Variants in PLXNB1 observed in about 807,000 individuals in gnomAD.
PLXNB1 encodes the protein plexin B1, also known as plexin-B1.
A neutral mutation model predicts 209.4 loss-of-function variants in PLXNB1; 106 were observed. The ratio of observed to expected loss-of-function variants is 0.51; its 90% CI spans 0.43 to 0.59. PLXNB1 has a LOEUF of 0.59. Among genes scored for constraint, PLXNB1 ranks in the 20% least tolerant of loss-of-function variants. The probability of loss-of-function intolerance (pLI) is 0.00; values close to 1 mark genes in which losing one functional copy is unlikely to be tolerated. For synonymous variants in PLXNB1, 1,167 were observed against 1,183.2 expected (o/e 0.99, Z 0.28); for missense variants, 2,357 against 2,853.2 (o/e 0.83, Z 3.96).
At position 48,418,080 on chromosome 3, in the gene PLXNB1, C is replaced by T. The variant is rs147822975; in HGVS notation, c.3223-18G>A. Reference sequence around the variant, plus strand: ...GGCTCCACCTGTTCCAGGACAAGGACTGCTCACCTCTACTCAACTGGAAAG... The same window carrying T: ...GGCTCCACCTGTTCCAGGACAAGGATTGCTCACCTCTACTCAACTGGAAAG... On this transcript the variant is annotated intron_variant, in intron 15 of 37. Transcript: ENST00000296440. This position sits in a 1 kb window ranked among gnomAD's most constrained non-coding sequence, Gnocchi z 6.6. 6.9e-4 allele frequency: 1,113 copies of T among 1,610,264 alleles called. 12 individuals are homozygous for T. The East Asian group carries it at 0.021, about 30-fold the overall frequency.
At position 48,419,775 on chromosome 3, in the gene PLXNB1, G is replaced by A. The variant is rs1053246047; in HGVS notation, c.2511C>T (p.Pro837=). ...CTTCTCTCGTGAGCCAGTCCAGGGC[G>A]GGCTTCACGGAGCCCATGGCCCCTG... ...TFPGAMGSVK[P]ALDWLTREGG... Residue 837 remains proline, a synonymous_variant, in exon 11 of 38, where the codon CCC becomes CCT. Transcript: ENST00000296440. This position sits in a 1 kb window ranked among gnomAD's most constrained non-coding sequence, Gnocchi z 5.7. 109 of 1,603,928 alleles carry A rather than the reference G, an allele frequency of 6.8e-5. No homozygotes were observed. The highest frequency in any genetic ancestry group is 8.5e-5 in the Admixed American group (5 of 58,612).
Position 48,417,838 on chromosome 3 carries a change from A to G in PLXNB1, c.3374+73T>C. 1.0e-5 allele frequency: 15 copies of G among 1,448,994 alleles called. No homozygotes were observed. The East Asian group carries it at 3.2e-4, about 31-fold the overall frequency. 89.8% of individuals were successfully genotyped at this position (1,448,994 alleles called of 1,614,324 possible). On this transcript the variant is annotated intron_variant, in intron 16 of 37. Coordinates refer to ENST00000296440, the MANE Select transcript of PLXNB1 (RefSeq NM_001130082.3). This position sits in a 1 kb window ranked among gnomAD's most constrained non-coding sequence, Gnocchi z 4.4. ...GGGGGGCAGATGAGCGGTGGGTGGG[A>G]GGCCCCAAGCAGCAACGCCAACCGC...
At position 48,415,336 on chromosome 3, in the gene PLXNB1, T is replaced by C; in HGVS notation, c.3806A>G (p.Glu1269Gly). 2.5e-6 allele frequency: 4 copies of C among 1,613,316 alleles called. No homozygotes were observed. Among genetic ancestry groups the C allele is most frequent in the Non-Finnish European group, 3.4e-6 (4 of 1,179,854 alleles). ...CAGATTCTGGCCACGGACGCATATC[T>C]CACGTCCTCCACTGAAACAGACCGT... ...PTKSFLSGGR[E>G]ICVRGQNLDV... The change falls in exon 20 of 38, where the codon GAG (glutamate) becomes GGG (glycine). Residue 1269 changes from glutamate to glycine, a missense_variant. Around this residue, in one of 7 missense-constraint regions of PLXNB1, gnomAD observed 743 missense variants for 896.2 expected, o/e 0.83. Transcript: ENST00000296440. The surrounding 1 kb of genome is among the most constrained non-coding windows in gnomAD (Gnocchi z 5.0).
At chr3:48,426,083 C>T (rs1171058220) in intron 1 of PLXNB1, among the ~76,000 whole-genome samples, 1 of 152,170 alleles carries the variant, frequency 6.6e-6, no homozygotes, top group African/African-American at 2.4e-5. Flanking sequence ...GCCCTACGTA[C>T]TAGAGAGCTG....
At position 48,429,739 on chromosome 3, in the gene PLXNB1, C is replaced by T. The variant is rs1411733976; in HGVS notation, c.-60+269G>A. On this transcript the variant is annotated intron_variant, in intron 1 of 37. Coordinates refer to ENST00000296440, the MANE Select transcript of PLXNB1 (RefSeq NM_001130082.3). This position sits in a 1 kb window ranked among gnomAD's most constrained non-coding sequence, Gnocchi z 6.4. ...ACCCCGGGAGCCAGAGCCGCCCCGC[C>T]CCGTCGGCCTCACCTGCTCGCCTCC... 6.6e-6 allele frequency among the ~76,000 whole-genome samples: 1 copy of T among 152,078 alleles called. No homozygotes were observed. The highest frequency in any genetic ancestry group is 1.5e-5 in the Non-Finnish European group (1 of 67,972).
chr3:48,420,622 C>T, intron 10 of PLXNB1, 43 bp downstream of exon 10: 1 of 1,498,886 alleles, frequency 6.7e-7, no homozygotes, highest in Non-Finnish European at 9.3e-7. Context: ...CACACTGGGA[C>T]CCCCAACCCC....
Position 48,406,595 on chromosome 3 carries a change from A to C in PLXNB1, c.6228+228T>G. 1.5e-6 allele frequency: 2 copies of C among 1,373,076 alleles called. No homozygotes were observed. The highest frequency in any genetic ancestry group is 2.8e-5 in the East Asian group (1 of 35,728). 85.1% of individuals were successfully genotyped at this position (1,373,076 alleles called of 1,614,324 possible). A position where few individuals can be genotyped will look rare whatever the true frequency, so the allele number is the denominator to read the frequency against. On this transcript the variant is annotated intron_variant, in intron 36 of 37. Transcript: ENST00000296440. This position sits in a 1 kb window ranked among gnomAD's most constrained non-coding sequence, Gnocchi z 4.4. Reference sequence around the variant, plus strand: ...TGCAAGAGCCTGGCTGAATCAGGGTACATGGCAGCTGCCAGGACAAGACCC... The same window carrying C: ...TGCAAGAGCCTGGCTGAATCAGGGTCCATGGCAGCTGCCAGGACAAGACCC...
At position 48,418,516 on chromosome 3, in the gene PLXNB1, C is replaced by A; in HGVS notation, c.2982G>T (p.Glu994Asp). 1 of 1,608,122 alleles carries A rather than the reference C, an allele frequency of 6.2e-7. No homozygotes were observed. Among genetic ancestry groups the A allele is most frequent in the South Asian group, 1.1e-5 (1 of 90,302 alleles). The stretch of plus-strand genomic sequence containing the variant: ...GACGCAGAAACAGCCCCACACGGAG[C>A]TCCGGCTGCAGAGCCTCATAGCTGA... ...HQLSYEALQP[E>D]LRVGLFLRRA... The change falls in exon 14 of 38, where the codon GAG becomes GAT. Residue 994 changes from glutamate (E) to aspartate (D), a missense_variant. Glu to Asp is a conservative substitution (Grantham distance 45, BLOSUM62 2). Around this residue, in one of 7 missense-constraint regions of PLXNB1, gnomAD observed 410 missense variants for 401.0 expected, o/e 1.02. Coordinates refer to ENST00000296440, the MANE Select transcript of PLXNB1 (RefSeq NM_001130082.3). The surrounding 1 kb of genome is among the most constrained non-coding windows in gnomAD (Gnocchi z 6.6).
chr3:48,425,896 C>A (rs2038866970), intron 1 of PLXNB1, among the ~76,000 whole-genome samples: 1 of 151,614 alleles, frequency 6.6e-6, no homozygotes, highest in Admixed American at 6.6e-5. Context: ...ACAGACACAG[C>A]CACCCATGTT....
chr3:48,425,439 C>CGCCCAGCCTGCTGGTGGAGCTGG (rs1560077396), intron 1 of PLXNB1, 106 bp from the exon 2 acceptor site: 2 of 152,224 alleles, frequency 1.3e-5, no homozygotes, highest in African/African-American at 4.8e-5. Context: ...CCCTCCCCAC[C>CGCCCAGCCTGCTGGTGGAGCTGG]GCCCAGCCTG....
At chr3:48,421,485 G>A (rs2038514750) in intron 7 of PLXNB1, 101 bp from the exon 8 acceptor site, 5 of 1,325,570 alleles carry the variant, frequency 3.8e-6, no homozygotes, top group Non-Finnish European at 2.1e-6. Flanking sequence ...GCAATCAACA[G>A]CCCTCAGGCC....
chr3:48,420,013 T>C lies in PLXNB1; in HGVS notation c.2273A>G (p.Glu758Gly), dbSNP rs764555935. ...PGSTGSPLHE[E>G]PSPPSPQNGP... ...ATTTTGGGGGCTGGGAGGGGAGGGC[T>C]CCTCATGGAGAGGCGACCCTGTGGA... The change falls in exon 11 of 38, where the codon GAG (glutamate) becomes GGG (glycine). Residue 758 changes from glutamate to glycine, a missense_variant. Physicochemically the swap from Glu to Gly is moderately conservative, Grantham distance 98. This residue lies in a region of PLXNB1 where 410 missense variants were observed against 401.0 expected (regional missense o/e 1.02). Transcript: ENST00000296440. 6.2e-7 allele frequency: 1 copy of C among 1,603,374 alleles called. No individual in the cohort carries two copies. The highest frequency in any genetic ancestry group is 1.1e-5 in the South Asian group (1 of 90,248).
Position 48,412,797 on chromosome 3 carries a change from T to C in PLXNB1, c.4799A>G (p.Glu1600Gly). 6.2e-7 allele frequency: 1 copy of C among 1,613,642 alleles called. No individual in the cohort carries two copies. The highest frequency in any genetic ancestry group is 8.5e-7 in the Non-Finnish European group (1 of 1,180,000). Residue 1600 changes from glutamate to glycine, a missense_variant, in exon 25 of 38, where the codon GAG (glutamate) becomes GGG (glycine). This residue lies in a region of PLXNB1 where 743 missense variants were observed against 896.2 expected (regional missense o/e 0.83). Transcript: ENST00000296440. The part of the protein sequence containing the change: ...GVPESRRPTV[E>G]QGLGQLSNLL... ...GTTAGAGAGCTGCCCCAGCCCTTGC[T>C]CCACAGTGGGCCGTCTGCTCTCAGG...
intron 3 of PLXNB1, 31 bp from the exon 4 acceptor site, chr3:48,422,978 C>A: frequency 6.3e-7 from 1 of 1,596,334 alleles, no homozygotes; most frequent in South Asian, 1.1e-5. Flanking sequence ...CAGGAAGGCC[C>A]TCCCTGGATA....
rs781772273 is a variant in PLXNB1, at chr3:48,421,858, T to A, written c.1521-52A>T. The A allele has an allele frequency of 5.1e-6, 8 of 1,568,806 alleles. No homozygotes were observed. The African/African-American group carries it at 1.1e-4, about 21-fold the overall frequency. On this transcript the variant is annotated intron_variant, in intron 6 of 37. Transcript: ENST00000296440. ...GTGACCCTCATGGGCCACTGGGAGT[T>A]CATAGGGTAGGGACTCCTACAATCT... is the stretch of plus-strand genomic sequence containing the variant.
At position 48,423,941 on chromosome 3, in the gene PLXNB1, C is replaced by G; in HGVS notation, c.671G>C (p.Arg224Pro). The change falls in exon 3 of 38, where the codon CGT (arginine) becomes CCT (proline). Residue 224 changes from arginine (R) to proline (P), a missense_variant. Around this residue, in one of 7 missense-constraint regions of PLXNB1, gnomAD observed 404 missense variants for 443.6 expected, o/e 0.91. Coordinates refer to ENST00000296440, the MANE Select transcript of PLXNB1 (RefSeq NM_001130082.3). ...YSHHFVSAFA[R>P]GASAYFLFLR... ...GAACAGGAAGTAGGCGCTGGCCCCACGTGCAAAGGCACTCACGAAGTGGTG... is the reference window on the plus strand; with the variant it reads ...GAACAGGAAGTAGGCGCTGGCCCCAGGTGCAAAGGCACTCACGAAGTGGTG... 1.2e-6 allele frequency: 2 copies of G among 1,614,114 alleles called. No individual in the cohort carries two copies. The highest frequency in any genetic ancestry group is 1.1e-5 in the South Asian group (1 of 91,084).
rs963948254 is a variant in PLXNB1 at position 48,420,044 on chromosome 3, G to A, written c.2242C>T (p.Pro748Ser). Reference sequence around the variant, plus strand: ...TGGAGAGGCGACCCTGTGGAGCCAGGGGAAGATATGGAGCCAGAACCTGCC... The same window carrying A: ...TGGAGAGGCGACCCTGTGGAGCCAGAGGAAGATATGGAGCCAGAACCTGCC... Reference protein sequence around the residue: ...PWAGSGSISSPGSTGSPLHEE... With the variant: ...PWAGSGSISSSGSTGSPLHEE... The change falls in exon 11 of 38, where the codon CCT becomes TCT. Residue 748 changes from proline (P) to serine (S), a missense_variant. Coordinates refer to ENST00000296440, the MANE Select transcript of PLXNB1 (RefSeq NM_001130082.3). The A allele has an allele frequency of 1.2e-6, 2 of 1,611,902 alleles. No homozygotes were observed. The highest frequency in any genetic ancestry group is 2.7e-5 in the African/African-American group (2 of 74,874).
At chr3:48,424,726 T>C in intron 2 of PLXNB1, 109 bp from the exon 3 acceptor site, 1 of 1,192,856 alleles carries the variant, frequency 8.4e-7, no homozygotes. Flanking sequence ...CCTCCTAACC[T>C]AGGGGGTGAG....
rs1204947500 is a variant in PLXNB1, at chr3:48,412,894, A to C, written c.4702T>G (p.Tyr1568Asp). Residue 1568 changes from tyrosine to aspartate, a missense_variant, in exon 25 of 38, where the codon TAC becomes GAC. Tyr to Asp is a radical substitution (Grantham distance 160). Coordinates refer to ENST00000296440, the MANE Select transcript of PLXNB1 (RefSeq NM_001130082.3). ...AAGATCCTCTCCGCATACACCTTGT[A>C]GTCGAGGAAGGGGATGCCGCTGCCC... ...LLGSGIPFLD[Y>D]KVYAERIFFP... is the part of the protein sequence containing the mutation. 1 of 1,614,028 alleles carries C rather than the reference A, an allele frequency of 6.2e-7. No individual in the cohort carries two copies. The highest frequency in any genetic ancestry group is 1.3e-5 in the African/African-American group (1 of 75,022).
Sources: allele counts gnomAD v4.1 joint callset (sites outside exome capture counted in the v4.1 genomes callset), GRCh38; gene constraint gnomAD v4.1.1; regional missense constraint gnomAD v4.1.1; non-coding constraint Gnocchi (gnomAD v3.1); transcripts MANE v1.5; gene names NCBI Gene and HGNC (gene_info 2026-07-23, HGNC 2026-07-21).